Variants in KIRREL3 observed in about 807,000 individuals in gnomAD.
The protein encoded by KIRREL3 is kin of IRRE-like protein 3.
In KIRREL3, 36 loss-of-function variants were observed where a neutral mutation model predicts 89.7. That is an observed-to-expected ratio of 0.40 (90% CI 0.31 to 0.53). The LOEUF (loss-of-function observed/expected upper bound fraction) is 0.53. Among genes scored for constraint, KIRREL3 ranks in the 20% least tolerant of loss-of-function variants. KIRREL3 has a pLI of 0.49. For missense variants in KIRREL3, 864 were observed against 1,056.6 expected, an observed-to-expected ratio of 0.82 and a Z score of 2.53; for synonymous variants, 445 against 441.4, an observed-to-expected ratio of 1.01 and a Z score of -0.10.
At chr11:126,813,384 A>G (rs759140189) in intron 1 of KIRREL3, among the ~76,000 whole-genome samples, 1 of 152,188 alleles carries the variant, frequency 6.6e-6, no homozygotes, top group Non-Finnish European at 1.5e-5. Flanking sequence ...GGATCCTCGT[A>G]GTTTGCTGCT....
intron 7 of KIRREL3, among the ~76,000 whole-genome samples, chr11:126,451,939 TC>T (rs1471237315): frequency 2.6e-5 from 4 of 152,154 alleles, no homozygotes; most frequent in African/African-American, 4.8e-5. Context: ...CAGCCACTGC[TC>T]CCTGGAACTG....
In KIRREL3 at chr11:126,656,045, G is replaced by A; in HGVS notation, c.56-93133C>T. The A allele has an allele frequency of 2.3e-6, 1 of 427,600 alleles. No individual in the cohort carries two copies. The highest frequency in any genetic ancestry group is 4.8e-6 in the Non-Finnish European group (1 of 209,640). The allele number at this position is 427,600 out of a possible 1,614,324, so 26.5% of individuals were successfully genotyped here. A position where few individuals can be genotyped will look rare whatever the true frequency, so the allele number is the denominator to read the frequency against. On this transcript the variant is annotated intron_variant, in intron 1 of 16. Transcript: ENST00000525144. This position sits in a 1 kb window ranked among gnomAD's most constrained non-coding sequence, Gnocchi z 4.0. ...GAAGTGTGTGGAAATGGGAACCTGA[G>A]CCAGGAGAGTCCTGTGGATTCACTA...
rs1945946701 is a variant in KIRREL3, at chr11:126,892,085, C to T, written c.55+108370G>A. On this transcript the variant is annotated intron_variant, in intron 1 of 16. Transcript: ENST00000525144. The surrounding 1 kb of genome is among the most constrained non-coding windows in gnomAD (Gnocchi z 5.4). The stretch of plus-strand genomic sequence containing the variant: ...TCCTGGCTCTATCAGTGTCTCTGTG[C>T]ACCAGAGAGAGGCCACTTAGCCTCC... 6.6e-6 allele frequency among the ~76,000 whole-genome samples: 1 copy of T among 152,176 alleles called. No homozygotes were observed. The highest frequency in any genetic ancestry group is 6.5e-5 in the Admixed American group (1 of 15,274).
intron 1 of KIRREL3, among the ~76,000 whole-genome samples, chr11:126,743,812 T>C (rs1382734289): frequency 6.6e-6 from 1 of 152,226 alleles, no homozygotes; most frequent in Non-Finnish European, 1.5e-5. Context: ...TAGCCAAGGC[T>C]CACCAATGGC....
rs776801594 is a variant in KIRREL3 at position 126,594,599 on chromosome 11, G to T, written c.56-31687C>A. Among the ~76,000 whole-genome samples the T allele has an allele frequency of 6.6e-6, 1 of 151,942 alleles. No homozygotes were observed. The highest frequency in any genetic ancestry group is 1.5e-5 in the Non-Finnish European group (1 of 68,028). On this transcript the variant is annotated intron_variant, in intron 1 of 16. Transcript: ENST00000525144. The surrounding 1 kb of genome is among the most constrained non-coding windows in gnomAD (Gnocchi z 5.0). ...AGGGTCTGGGCGGTCATTTATCCTT[G>T]CTGGGCCTCAGAGGCCTCATGAGTG... is the stretch of plus-strand genomic sequence containing the variant.
intron 1 of KIRREL3, among the ~76,000 whole-genome samples, chr11:126,919,867 T>C (rs1352993333): frequency 6.6e-6 from 1 of 152,132 alleles, no homozygotes; most frequent in South Asian, 2.1e-4. Context: ...GTAACAATAG[T>C]GTAACTGCAC....
At chr11:126,935,274 C>T (rs575686930) in intron 1 of KIRREL3, 3 of 144,814 alleles carry the variant, frequency 2.1e-5, no homozygotes, top group Admixed American at 6.9e-5. Context: ...GCTGGGAAGG[C>T]AAAATGGCAC....
rs1946201690 is a variant in KIRREL3 at position 126,676,635 on chromosome 11, C to T, written c.56-113723G>A. On this transcript the variant is annotated intron_variant, in intron 1 of 16. Coordinates refer to ENST00000525144, the MANE Select transcript of KIRREL3 (RefSeq NM_032531.4). This position sits in a 1 kb window ranked among gnomAD's most constrained non-coding sequence, Gnocchi z 4.5. ...CAAGTTCAGGAAACTCAGACGTGGT[C>T]CTGGACTCTCCTTGCCTGGACTTGA... Among the ~76,000 whole-genome samples the T allele has an allele frequency of 6.6e-6, 1 of 152,114 alleles. No homozygotes were observed. The highest frequency in any genetic ancestry group is 1.5e-5 in the Non-Finnish European group (1 of 68,014).
At chr11:126,818,793 T>C (rs1157618000) in intron 1 of KIRREL3, among the ~76,000 whole-genome samples, 2 of 85,272 alleles carry the variant, frequency 2.3e-5, no homozygotes, top group African/African-American at 1.1e-4. Flanking sequence ...GTTATTGTAA[T>C]TGTTGATTTC....
rs575590841 is a variant in KIRREL3 at position 126,841,339 on chromosome 11, G to A, written c.55+159116C>T. 1.4e-4 allele frequency among the ~76,000 whole-genome samples: 21 copies of A among 152,264 alleles called. No homozygotes were observed. In the South Asian group the frequency reaches 1.5e-3, roughly 11 times the overall value. On this transcript the variant is annotated intron_variant, in intron 1 of 16. Transcript: ENST00000525144. ...CTGAGCTCCCTAGGCAGAGCGAGGC[G>A]TGTTAACCTAGTTGGAAGCCCCAGG...
rs1945678697 is a variant in KIRREL3, at chr11:126,666,678, A to C, written c.56-103766T>G. Among the ~76,000 whole-genome samples, 1 of 152,152 alleles carries C rather than the reference A, an allele frequency of 6.6e-6. No individual in the cohort carries two copies. The highest frequency in any genetic ancestry group is 2.1e-4 in the South Asian group (1 of 4,826). On this transcript the variant is annotated intron_variant, in intron 1 of 16. Coordinates refer to ENST00000525144, the MANE Select transcript of KIRREL3 (RefSeq NM_032531.4). The surrounding 1 kb of genome is among the most constrained non-coding windows in gnomAD (Gnocchi z 4.2). ...TTTTTACTGCATGATATGAACACTT[A>C]GGGTTAAACAGAGCTCTCTTTTTCT...
chr11:126,695,406 CAA>C (rs36034228), intron 1 of KIRREL3, among the ~76,000 whole-genome samples: 69 of 64,340 alleles, frequency 1.1e-3, no homozygotes, highest in African/African-American at 1.5e-3. Context: ...TTAGCTTTAC[CAA>C]AAAAAAAAAA....
At position 126,568,689 on chromosome 11, in the gene KIRREL3, C is replaced by T. The variant is rs898748678; in HGVS notation, c.56-5777G>A. On this transcript the variant is annotated intron_variant, in intron 1 of 16. Transcript: ENST00000525144. The surrounding 1 kb of genome is among the most constrained non-coding windows in gnomAD (Gnocchi z 4.6). ...AGCTTTGGTTTCCTCATTTATAAAA[C>T]GTTGATTCTAACGGTAAGACCCTCC... 3.3e-5 allele frequency among the ~76,000 whole-genome samples: 5 copies of T among 152,154 alleles called. No homozygotes were observed. Among genetic ancestry groups the T allele is most frequent in the Non-Finnish European group, 5.9e-5 (4 of 68,034 alleles).
chr11:126,923,635 G>A (rs927591005), intron 1 of KIRREL3, among the ~76,000 whole-genome samples: 68 of 151,764 alleles, frequency 4.5e-4, no homozygotes, highest in Admixed American at 2.0e-3. Context: ...GTAGAGATGG[G>A]GTTTCACCAT....
chr11:126,552,793 C>G (rs565690932), intron 2 of KIRREL3, among the ~76,000 whole-genome samples: 3 of 152,050 alleles, frequency 2.0e-5, no homozygotes, highest in Admixed American at 2.0e-4. Flanking sequence ...AAACTCCTGA[C>G]CTCAGGTGAT....
chr11:126,741,979 G>A (rs1469632503), intron 1 of KIRREL3, among the ~76,000 whole-genome samples: 2 of 152,188 alleles, frequency 1.3e-5, no homozygotes, highest in African/African-American at 4.8e-5. Flanking sequence ...CATTTCACTA[G>A]CAGAGAATGT....
At position 126,455,657 on chromosome 11, in the gene KIRREL3, G is replaced by A. The variant is rs139391172; in HGVS notation, c.848+692C>T. ...CAAAAAAAAAAAAAAATTAGCTGGC[G>A]TGGTGGCGGGCGCCTGTAGTCCCAG... On this transcript the variant is annotated intron_variant, in intron 7 of 16. Coordinates refer to ENST00000525144, the MANE Select transcript of KIRREL3 (RefSeq NM_032531.4). The surrounding 1 kb of genome is among the most constrained non-coding windows in gnomAD (Gnocchi z 6.4). 0.036 allele frequency among the ~76,000 whole-genome samples: 5,392 copies of A among 151,774 alleles called. 346 individuals carry two copies. Among genetic ancestry groups the A allele is most frequent in the East Asian group, 0.26 (1,334 of 5,134 alleles).
rs574111733 is a variant in KIRREL3 at position 126,490,926 on chromosome 11, A to T, written c.434-17460T>A. Among the ~76,000 whole-genome samples the T allele has an allele frequency of 6.6e-6, 1 of 152,318 alleles. No individual in the cohort carries two copies. Among genetic ancestry groups the T allele is most frequent in the African/African-American group, 2.4e-5 (1 of 41,556 alleles). ...TTGCTCTTAAGGGTGCAGGGGGTCCACAAATGCCTGAGGATCCACAGCCCA... is the reference window on the plus strand; with the variant it reads ...TTGCTCTTAAGGGTGCAGGGGGTCCTCAAATGCCTGAGGATCCACAGCCCA... On this transcript the variant is annotated intron_variant, in intron 4 of 16. Transcript: ENST00000525144. This position sits in a 1 kb window ranked among gnomAD's most constrained non-coding sequence, Gnocchi z 4.2.
At position 126,778,044 on chromosome 11, in the gene KIRREL3, A is replaced by G. The variant is rs1454740110; in HGVS notation, c.56-215132T>C. The stretch of plus-strand genomic sequence containing the variant: ...TATATGAGAAATACATGCTCATTGT[A>G]GAAAAAAAAAAAAAAAGAAAAACTA... On this transcript the variant is annotated intron_variant, in intron 1 of 16. Coordinates refer to ENST00000525144, the MANE Select transcript of KIRREL3 (RefSeq NM_032531.4). This position sits in a 1 kb window ranked among gnomAD's most constrained non-coding sequence, Gnocchi z 4.5. 7.2e-6 allele frequency among the ~76,000 whole-genome samples: 1 copy of G among 139,150 alleles called. No homozygotes were observed. The highest frequency in any genetic ancestry group is 2.6e-5 in the African/African-American group (1 of 38,752). 91.3% of individuals were successfully genotyped at this position (139,150 alleles called of 152,430 possible).
Sources: allele counts gnomAD v4.1 joint callset (sites outside exome capture counted in the v4.1 genomes callset), GRCh38; gene constraint gnomAD v4.1.1; non-coding constraint Gnocchi (gnomAD v3.1); transcripts MANE v1.5; gene names NCBI Gene and HGNC (gene_info 2026-07-23, HGNC 2026-07-21).